The following SPTLC2 variants were observed in gnomAD, a reference collection of about 807,000 sequenced individuals.
SPTLC2 encodes serine palmitoyltransferase long chain base subunit 2.
SPTLC2 carries 21 observed loss-of-function variants against 62.0 expected under a neutral mutation model. The observed-to-expected ratio is 0.34, with a 90% CI of 0.24 to 0.49. The LOEUF (loss-of-function observed/expected upper bound fraction) is 0.49. Ranked by LOEUF, SPTLC2 falls within the 20% of genes least tolerant of loss-of-function variation. The pLI is 0.99. For synonymous variants in SPTLC2, 261 were observed against 261.8 expected, an observed-to-expected ratio of 1.00 and a Z score of 0.03; for missense variants, 511 against 713.0, an observed-to-expected ratio of 0.72 and a Z score of 3.23.
At chr14:77,528,478 G>A (rs28716286) in intron 9 of SPTLC2, among the ~76,000 whole-genome samples, 37,056 of 152,022 alleles carry the variant, frequency 0.24, 4,586 homozygotes, top group East Asian at 0.31. Context: ...GGATCTGCCC[G>A]CCTCGGCCTC....
intron 1 of SPTLC2, among the ~76,000 whole-genome samples, chr14:77,613,945 CA>C (rs2079951359): frequency 6.6e-6 from 1 of 152,204 alleles, no homozygotes; most frequent in Non-Finnish European, 1.5e-5. Flanking sequence ...TATTCACAGA[CA>C]ATATTCCTCC....
intron 9 of SPTLC2, among the ~76,000 whole-genome samples, chr14:77,525,169 C>A (rs1360128518): frequency 6.6e-6 from 1 of 152,144 alleles, no homozygotes; most frequent in Non-Finnish European, 1.5e-5. Flanking sequence ...TGGTGTGATT[C>A]TGGCTACTTG....
chr14:77,530,128 G>C (rs980145675), intron 9 of SPTLC2, among the ~76,000 whole-genome samples: 2 of 152,066 alleles, frequency 1.3e-5, no homozygotes, highest in African/African-American at 4.8e-5. Flanking sequence ...AAGGTATCTT[G>C]GACTTATGTG....
intron 8 of SPTLC2, 131 bp from the exon 9 acceptor site, chr14:77,552,353 C>A (rs2079560069): frequency 1.8e-6 from 2 of 1,088,152 alleles, no homozygotes; most frequent in Admixed American, 2.0e-5. Flanking sequence ...ATCTGAGATA[C>A]AAGGTCAACC....
At position 77,509,876 on chromosome 14, in the gene SPTLC2, C is replaced by T. The variant is rs754641801; in HGVS notation, c.*2408G>A. The T allele has an allele frequency of 2.5e-6, 1 of 398,300 alleles. No individual in the cohort carries two copies. The highest frequency in any genetic ancestry group is 4.4e-6 in the Non-Finnish European group (1 of 225,948). 24.7% of individuals were successfully genotyped at this position (398,300 alleles called of 1,614,324 possible). A position where few individuals can be genotyped will look rare whatever the true frequency, so the allele number is the denominator to read the frequency against. Reference sequence around the variant, plus strand: ...CACTTATCTTGAAATAACTTTGTACCAACAAAGTGATATAGATATATTTTA... The same window carrying T: ...CACTTATCTTGAAATAACTTTGTACTAACAAAGTGATATAGATATATTTTA... On this transcript the variant is annotated 3_prime_UTR_variant, in exon 12 of 12. Coordinates refer to ENST00000216484, the MANE Select transcript of SPTLC2 (RefSeq NM_004863.4).
At chr14:77,547,174 A>T (rs1273300894) in intron 9 of SPTLC2, among the ~76,000 whole-genome samples, 2 of 147,434 alleles carry the variant, frequency 1.4e-5, no homozygotes, top group South Asian at 2.1e-4. Context: ...GGAAACAAGT[A>T]TTTTTTTTTT....
intron 9 of SPTLC2, among the ~76,000 whole-genome samples, chr14:77,524,282 G>A (rs575705164): frequency 6.6e-6 from 1 of 152,178 alleles, no homozygotes; most frequent in African/African-American, 2.4e-5. Flanking sequence ...TGATAGCAAA[G>A]GGGCAGAAGG....
intron 7 of SPTLC2, 151 bp downstream of exon 7, chr14:77,556,890 A>G: frequency 1.5e-6 from 1 of 671,908 alleles, no homozygotes; most frequent in Non-Finnish European, 2.6e-6. Flanking sequence ...CTTCTGTTCT[A>G]ATGCTGACTC....
rs530856701 is a variant in SPTLC2, at chr14:77,557,540, C to T, written c.851-394G>A. ...AAATAAATGCGTAAAAAAGACAGAG[C>T]GAGAGAGTGTGAATAAACCATCACA... On this transcript the variant is annotated intron_variant, in intron 6 of 11. Transcript: ENST00000216484. Among the ~76,000 whole-genome samples, 8 of 152,202 alleles carry T rather than the reference C, an allele frequency of 5.3e-5. No individual in the cohort carries two copies. The South Asian group carries it at 8.3e-4, about 16-fold the overall frequency.
At chr14:77,573,298 A>C (rs944204730) in intron 4 of SPTLC2, among the ~76,000 whole-genome samples, 3 of 152,146 alleles carry the variant, frequency 2.0e-5, no homozygotes, top group Non-Finnish European at 4.4e-5. Flanking sequence ...AGTTAAAAAC[A>C]ATGTATTGTA....
At chr14:77,569,854 G>GAT (rs1594996097) in intron 5 of SPTLC2, among the ~76,000 whole-genome samples, 1 of 70,330 alleles carries the variant, frequency 1.4e-5, no homozygotes, top group African/African-American at 4.3e-5. Context: ...TTATATATAT[G>GAT]TATATAAATA....
intron 1 of SPTLC2, among the ~76,000 whole-genome samples, chr14:77,613,133 A>G: frequency 6.6e-6 from 1 of 152,242 alleles, no homozygotes; most frequent in Admixed American, 6.5e-5. Context: ...CAAATGTTAA[A>G]TCCACAGGAA....
intron 7 of SPTLC2, 112 bp downstream of exon 7, chr14:77,556,929 A>G: frequency 2.4e-6 from 2 of 842,022 alleles, no homozygotes; most frequent in Non-Finnish European, 4.0e-6. Flanking sequence ...CGACTTATAA[A>G]CACTGTCTCC....
At position 77,519,765 on chromosome 14, in the gene SPTLC2, A is replaced by G. The variant is rs970881879; in HGVS notation, c.1440-1598T>C. Among the ~76,000 whole-genome samples, 10 of 152,218 alleles carry G rather than the reference A, an allele frequency of 6.6e-5. No homozygotes were observed. The South Asian group carries it at 1.9e-3, about 28-fold the overall frequency. ...TTCACAGCCTTTTCCCACTCTCTGT[A>G]GTACCAGTACATCTTCCTCAACATA... On this transcript the variant is annotated intron_variant, in intron 10 of 11. Transcript: ENST00000216484.
At chr14:77,520,436 G>A (rs2079380033) in intron 10 of SPTLC2, among the ~76,000 whole-genome samples, 1 of 152,124 alleles carries the variant, frequency 6.6e-6, no homozygotes, top group South Asian at 2.1e-4. Context: ...GGAGACTGTG[G>A]TGGACACTGG....
chr14:77,528,244 T>A (rs971383191), intron 9 of SPTLC2, among the ~76,000 whole-genome samples: 13 of 152,184 alleles, frequency 8.5e-5, no homozygotes, highest in African/African-American at 3.1e-4. Flanking sequence ...TCTTCTTTTT[T>A]TTTTGAGATG....
chr14:77,529,311 G>A (rs2079424993), intron 9 of SPTLC2, among the ~76,000 whole-genome samples: 2 of 146,316 alleles, frequency 1.4e-5, no homozygotes, highest in Admixed American at 1.4e-4. Context: ...TTTAAACCAG[G>A]ACATGACAAA....
rs1220240107 is a variant in SPTLC2, at chr14:77,569,832, T to TAA, written c.756+550_756+551dup. On this transcript the variant is annotated intron_variant, in intron 5 of 11. Coordinates refer to ENST00000216484, the MANE Select transcript of SPTLC2 (RefSeq NM_004863.4). ...CATACATATATGTTATATATATATATAATATACAATATTATATATATGTAT... is the reference window on the plus strand; with the variant it reads ...CATACATATATGTTATATATATATATAAAATATACAATATTATATATATGTAT... Among the ~76,000 whole-genome samples the TAA allele has an allele frequency of 3.9e-4, 12 of 30,922 alleles. 2 individuals carry two copies. The South Asian group carries it at 9.2e-3, about 24-fold the overall frequency. The allele number at this position is 30,922 out of a possible 152,430, so 20.3% of individuals were successfully genotyped here.
intron 1 of SPTLC2, among the ~76,000 whole-genome samples, chr14:77,613,614 T>C (rs1322464849): frequency 6.6e-6 from 1 of 152,178 alleles, no homozygotes; most frequent in African/African-American, 2.4e-5. Flanking sequence ...CTCTTGAGAG[T>C]GTAAAGTGAT....
Sources: allele counts gnomAD v4.1 joint callset (sites outside exome capture counted in the v4.1 genomes callset), GRCh38; gene constraint gnomAD v4.1.1; transcripts MANE v1.5; gene names NCBI Gene and HGNC (gene_info 2026-07-23, HGNC 2026-07-21).